The following SLC9A9 variants were observed in gnomAD, a reference collection of about 807,000 sequenced individuals.
SLC9A9 encodes solute carrier family 9 member A9, also known as sodium/hydrogen exchanger 9.
A neutral mutation model predicts 77.8 loss-of-function variants in SLC9A9; 62 were observed. That is an observed-to-expected ratio of 0.80 (90% CI 0.65 to 0.98). The LOEUF is 0.98. Ranked by LOEUF, SLC9A9 falls within the 50% of genes least tolerant of loss-of-function variation. SLC9A9 has a pLI of 0.00. For synonymous variants in SLC9A9, 320 were observed against 283.5 expected, an observed-to-expected ratio of 1.13 and a Z score of -1.29; for missense variants, 775 against 774.9, an observed-to-expected ratio of 1.00 and a Z score of 0.00.
At chr3:143,467,338 AAT>A (rs2035300390) in intron 11 of SLC9A9, 148 bp from the exon 12 acceptor site, 2 of 961,280 alleles carry the variant, frequency 2.1e-6, no homozygotes, top group Non-Finnish European at 3.1e-6. Flanking sequence ...AGTTGTAAGA[AAT>A]AAAACAGAAA....
intron 9 of SLC9A9, among the ~76,000 whole-genome samples, chr3:143,502,738 C>T (rs1236536328): frequency 1.3e-5 from 2 of 151,948 alleles, no homozygotes; most frequent in East Asian, 1.9e-4. Context: ...CACTGAAATT[C>T]GTTGAAACCG....
At chr3:143,626,271 C>A (rs542067861) in intron 6 of SLC9A9, among the ~76,000 whole-genome samples, 1 of 152,268 alleles carries the variant, frequency 6.6e-6, no homozygotes, top group South Asian at 2.1e-4. Flanking sequence ...ACTGGGTATA[C>A]ACCCAAAGGA....
chr3:143,632,529 G>T (rs2038444819), intron 6 of SLC9A9, among the ~76,000 whole-genome samples: 1 of 152,052 alleles, frequency 6.6e-6, no homozygotes. Flanking sequence ...CCACCACACA[G>T]TAACATTACC....
chr3:143,807,680 G>A (rs1275496357), intron 2 of SLC9A9, among the ~76,000 whole-genome samples: 2 of 152,212 alleles, frequency 1.3e-5, no homozygotes, highest in African/African-American at 4.8e-5. Flanking sequence ...GGGAGGCGGA[G>A]GTTGCAGTAA....
intron 6 of SLC9A9, among the ~76,000 whole-genome samples, chr3:143,622,920 T>C (rs1490441333): frequency 6.6e-6 from 1 of 152,102 alleles, no homozygotes; most frequent in Non-Finnish European, 1.5e-5. Context: ...TGGAGGAAGA[T>C]CTACCAAGCA....
chr3:143,582,392 T>A (rs1337289907), intron 6 of SLC9A9, among the ~76,000 whole-genome samples: 1 of 152,206 alleles, frequency 6.6e-6, no homozygotes, highest in African/African-American at 2.4e-5. Flanking sequence ...TGAGTACTTA[T>A]ATGTACACTC....
intron 7 of SLC9A9, among the ~76,000 whole-genome samples, chr3:143,578,322 C>T (rs1377993158): frequency 2.0e-5 from 3 of 152,122 alleles, no homozygotes; most frequent in Non-Finnish European, 4.4e-5. Context: ...TTATTTAAGG[C>T]TGTTGATGTC....
At chr3:143,793,393 A>G (rs926416287) in intron 4 of SLC9A9, among the ~76,000 whole-genome samples, 1 of 152,244 alleles carries the variant, frequency 6.6e-6, no homozygotes, top group Non-Finnish European at 1.5e-5. Flanking sequence ...CAGTTGTACC[A>G]AAGAAATGAG....
chr3:143,427,771 AT>A (rs1576490080), intron 12 of SLC9A9, among the ~76,000 whole-genome samples: 1 of 152,034 alleles, frequency 6.6e-6, no homozygotes, highest in East Asian at 1.9e-4. Context: ...TAATGCTGAT[AT>A]TTTTCTCAGT....
At chr3:143,335,600 C>T (rs1392543687) in intron 14 of SLC9A9, among the ~76,000 whole-genome samples, 2 of 152,068 alleles carry the variant, frequency 1.3e-5, no homozygotes, top group Non-Finnish European at 1.5e-5. Flanking sequence ...AAACAGAGCA[C>T]CTAGAAATAA....
intron 4 of SLC9A9, among the ~76,000 whole-genome samples, chr3:143,759,894 T>C (rs780413547): frequency 6.6e-6 from 1 of 152,186 alleles, no homozygotes; most frequent in Admixed American, 6.6e-5. Flanking sequence ...CTCCATCATC[T>C]ATTAGAAAGA....
intron 2 of SLC9A9, among the ~76,000 whole-genome samples, chr3:143,801,096 C>T (rs2008539391): frequency 6.6e-6 from 1 of 152,134 alleles, no homozygotes; most frequent in African/African-American, 2.4e-5. Context: ...ATCCTAAATC[C>T]TTTCCCCACT....
rs79489120 is a variant in SLC9A9 at position 143,457,629 on chromosome 3, G to C, written c.1469+9408C>G. On this transcript the variant is annotated intron_variant, in intron 12 of 15. Transcript: ENST00000316549. ...TTTCTTTCTGAGCGCTGCTTTAGCT[G>C]TATTCCACAAATTTTGAGATTATAT... Among the ~76,000 whole-genome samples the C allele has an allele frequency of 8.3e-3, 1,264 of 152,158 alleles. 82 individuals are homozygous for C. In the East Asian group the frequency reaches 0.16, roughly 20 times the overall value.
At position 143,795,043 on chromosome 3, in the gene SLC9A9, G is replaced by A. The variant is rs201948779; in HGVS notation, c.491C>T (p.Thr164Met). The A allele has an allele frequency of 3.8e-5, 62 of 1,613,706 alleles. No individual in the cohort carries two copies. In the African/African-American group the frequency reaches 6.3e-4, roughly 16 times the overall value. Residue 164 changes from threonine to methionine, a missense_variant, in exon 4 of 16, where the codon ACG becomes ATG. Thr to Met is a moderately conservative substitution (Grantham distance 81). Transcript: ENST00000316549. ...HFFQNLGSIL[T>M]YAFLGTAISC... is the part of the protein sequence containing the mutation. Reference sequence around the variant, plus strand: ...GATGGCAGTTCCCAAGAAGGCATACGTTAAAATAGATCCTAAGTTTTGAAA... The same window carrying A: ...GATGGCAGTTCCCAAGAAGGCATACATTAAAATAGATCCTAAGTTTTGAAA...
intron 9 of SLC9A9, among the ~76,000 whole-genome samples, chr3:143,524,146 A>C (rs1057207659): frequency 1.8e-4 from 27 of 150,234 alleles, no homozygotes; most frequent in Non-Finnish European, 1.5e-5. Context: ...GAATGCTCCT[A>C]TTATCTACAA....
intron 14 of SLC9A9, among the ~76,000 whole-genome samples, chr3:143,327,295 G>A (rs760933157): frequency 2.6e-5 from 4 of 152,166 alleles, no homozygotes; most frequent in Non-Finnish European, 5.9e-5. Flanking sequence ...TAGACTTGTG[G>A]AGGTGGAACA....
chr3:143,504,202 T>G (rs9863900), intron 9 of SLC9A9: 95,491 of 312,204 alleles, frequency 0.31, 16,249 homozygotes, highest in Non-Finnish European at 0.38. Context: ...CTTTGCTAGA[T>G]TTAAAAGCAG....
At chr3:143,304,046 G>A (rs1487185607) in intron 14 of SLC9A9, among the ~76,000 whole-genome samples, 4 of 152,108 alleles carry the variant, frequency 2.6e-5, no homozygotes, top group Non-Finnish European at 5.9e-5. Context: ...GGATGAAGAG[G>A]TCTCTTAGAC....
At chr3:143,389,524 A>C (rs188570191) in intron 12 of SLC9A9, among the ~76,000 whole-genome samples, 6 of 152,274 alleles carry the variant, frequency 3.9e-5, no homozygotes. Flanking sequence ...AAAGAAGGAG[A>C]AGCATGTGCC....
Sources: allele counts gnomAD v4.1 joint callset (sites outside exome capture counted in the v4.1 genomes callset), GRCh38; gene constraint gnomAD v4.1.1; transcripts MANE v1.5; gene names NCBI Gene and HGNC (gene_info 2026-07-23, HGNC 2026-07-21).